Variants in LAMA2 observed in about 807,000 individuals in gnomAD.
LAMA2 encodes the protein laminin subunit alpha-2.
In LAMA2, 269 loss-of-function variants were observed where a neutral mutation model predicts 364.8. The observed-to-expected ratio is 0.74, with a 90% CI of 0.67 to 0.82. The LOEUF (loss-of-function observed/expected upper bound fraction) is 0.82, where lower values mean the gene tolerates loss of function less well. LAMA2 is among the 40% of genes least tolerant of loss of function. The probability of loss-of-function intolerance (pLI) is 0.00; values close to 1 mark genes in which losing one functional copy is unlikely to be tolerated. For missense variants in LAMA2, 3,807 were observed against 3,873.2 expected, an observed-to-expected ratio of 0.98 and a Z score of 0.45; for synonymous variants, 1,379 against 1,370.6, an observed-to-expected ratio of 1.01 and a Z score of -0.14.
chr6:129,382,964 T>A (rs1386647047), intron 34 of LAMA2, among the ~76,000 whole-genome samples, 158 bp from the exon 35 acceptor site: 3 of 152,242 alleles, frequency 2.0e-5, no homozygotes. Context: ...ATTGTATACG[T>A]GAGCATGGGG....
chr6:129,392,257 A>G (rs1402752742), intron 36 of LAMA2, among the ~76,000 whole-genome samples: 2 of 152,226 alleles, frequency 1.3e-5, no homozygotes, highest in Non-Finnish European at 2.9e-5. Flanking sequence ...ACATCTCTAC[A>G]TTCATAGTCA....
chr6:128,894,912 T>C (rs1776669808), intron 1 of LAMA2, among the ~76,000 whole-genome samples: 1 of 152,170 alleles, frequency 6.6e-6, no homozygotes, highest in Non-Finnish European at 1.5e-5. Flanking sequence ...ACTAAAAGGA[T>C]TTTTGAACTT....
intron 9 of LAMA2, among the ~76,000 whole-genome samples, chr6:129,171,192 T>A (rs1328171525): frequency 1.1e-4 from 16 of 152,146 alleles, no homozygotes; most frequent in Non-Finnish European, 2.2e-4. Flanking sequence ...TTAATATTGT[T>A]ATGTGTGAAT....
intron 4 of LAMA2, among the ~76,000 whole-genome samples, chr6:129,132,865 A>G (rs1251463382): frequency 6.6e-6 from 1 of 152,218 alleles, no homozygotes; most frequent in Non-Finnish European, 1.5e-5. Context: ...TACCTTTGTT[A>G]GAGAAAACTG....
At chr6:129,507,393 CTA>C in intron 61 of LAMA2, 94 bp from the exon 62 acceptor site, 2 of 1,305,672 alleles carry the variant, frequency 1.5e-6, no homozygotes, top group Non-Finnish European at 2.2e-6. Context: ...AACTGGATAA[CTA>C]CACACATAGA....
At chr6:129,148,625 A>G (rs1462327189) in intron 6 of LAMA2, among the ~76,000 whole-genome samples, 1 of 152,042 alleles carries the variant, frequency 6.6e-6, no homozygotes, top group Non-Finnish European at 1.5e-5. Context: ...CAAAAATATT[A>G]ACAACATTTT....
intron 1 of LAMA2, among the ~76,000 whole-genome samples, chr6:129,014,528 C>T (rs936336078): frequency 1.3e-5 from 2 of 152,140 alleles, no homozygotes; most frequent in Non-Finnish European, 2.9e-5. Context: ...ACACTGCCTT[C>T]GGATGGCCCT....
intron 3 of LAMA2, among the ~76,000 whole-genome samples, chr6:129,083,534 A>AAAAC (rs533567270): frequency 1.6e-3 from 250 of 152,334 alleles, no homozygotes; most frequent in Non-Finnish European, 2.6e-3. Flanking sequence ...TGCAATAATA[A>AAAAC]AAACAAACAA....
intron 8 of LAMA2, chr6:129,158,445 AC>A (rs1252990508): frequency 6.2e-7 from 1 of 1,613,914 alleles, no homozygotes; most frequent in African/African-American, 1.3e-5. Flanking sequence ...AGTTCGCTGA[AC>A]CAATAAAGGT....
intron 45 of LAMA2, among the ~76,000 whole-genome samples, chr6:129,450,585 T>G (rs1343486369): frequency 6.6e-6 from 1 of 152,172 alleles, no homozygotes. Flanking sequence ...CCTCCCAAAG[T>G]GCTGGGATTA....
rs1781397147 is a variant in LAMA2 at position 129,427,819 on chromosome 6, T to C, written c.5933T>C (p.Leu1978Pro). 1 of 1,613,618 alleles carries C rather than the reference T, an allele frequency of 6.2e-7. No homozygotes were observed. The highest frequency in any genetic ancestry group is 1.3e-5 in the African/African-American group (1 of 74,918). Residue 1978 changes from leucine (L) to proline (P), a missense_variant, in exon 41 of 65, where the codon CTT (leucine) becomes CCT (proline). By Grantham distance (98) the Leu-to-Pro change is moderately conservative (BLOSUM62 -3). This residue lies in a region of LAMA2 where 3,333 missense variants were observed against 3,345.7 expected (regional missense o/e 1.00). Coordinates refer to ENST00000421865, the MANE Select transcript of LAMA2 (RefSeq NM_000426.4). Reference protein sequence around the residue: ...KGCLQKSFRILNEAKKLANDV... With the variant: ...KGCLQKSFRIPNEAKKLANDV... ...TGTCTTCAGAAAAGCTTCAGGATTC[T>C]TAACGAAGCCAAGAAGTTAGCAAAT...
intron 12 of LAMA2, among the ~76,000 whole-genome samples, chr6:129,194,559 A>G (rs1162951917): frequency 6.6e-6 from 1 of 152,146 alleles, no homozygotes; most frequent in Non-Finnish European, 1.5e-5. Flanking sequence ...TCCCCTACCG[A>G]TCATTTTCAC....
At chr6:129,175,852 T>A (rs1053542621) in intron 9 of LAMA2, among the ~76,000 whole-genome samples, 3 of 152,128 alleles carry the variant, frequency 2.0e-5, no homozygotes, top group African/African-American at 7.2e-5. Flanking sequence ...ATAAAAAAAA[T>A]TAACTATCAT....
In LAMA2 at chr6:129,050,052, T is replaced by C; in HGVS notation, c.247T>C (p.Cys83Arg). The change falls in exon 2 of 65, where the codon TGT becomes CGT. Residue 83 changes from cysteine (C) to arginine (R), a missense_variant. By Grantham distance (180) the Cys-to-Arg change is radical (BLOSUM62 -3). Around this residue, in one of 3 missense-constraint regions of LAMA2, gnomAD observed 394 missense variants for 403.5 expected, o/e 0.98. Transcript: ENST00000421865. ...TGGGCAGCCTGTGAGGAACCCGCAG[T>C]GTCGAATCTGCAATCAAAACAGCAG... is the stretch of plus-strand genomic sequence containing the variant. ...VPGQPVRNPQ[C>R]RICNQNSSNP... The C allele has an allele frequency of 2.5e-6, 4 of 1,614,172 alleles. No individual in the cohort carries two copies. The highest frequency in any genetic ancestry group is 3.4e-6 in the Non-Finnish European group (4 of 1,180,026).
chr6:129,279,990 T>A, intron 17 of LAMA2, 71 bp from the exon 18 acceptor site: 6 of 995,382 alleles, frequency 6.0e-6, no homozygotes, highest in Non-Finnish European at 9.7e-6. Flanking sequence ...GAGAGAGAAA[T>A]GAGAAAATGC....
At chr6:128,889,807 G>T (rs1776347217) in intron 1 of LAMA2, among the ~76,000 whole-genome samples, 1 of 152,104 alleles carries the variant, frequency 6.6e-6, no homozygotes, top group South Asian at 2.1e-4. Flanking sequence ...TGTATAATAT[G>T]GGTTTAAAAA....
chr6:129,095,842 G>C (rs1042803149), intron 3 of LAMA2, among the ~76,000 whole-genome samples: 1 of 151,608 alleles, frequency 6.6e-6, no homozygotes, highest in Non-Finnish European at 1.5e-5. Context: ...AGAATTGCTT[G>C]AACCTGGGAG....
intron 2 of LAMA2, 108 bp downstream of exon 2, chr6:129,050,196 A>AG: frequency 4.5e-6 from 5 of 1,122,454 alleles, no homozygotes; most frequent in Non-Finnish European, 6.6e-6. Context: ...AAGAATTCCT[A>AG]GAATTCTTTT....
At chr6:129,281,857 G>A (rs929901093) in intron 18 of LAMA2, among the ~76,000 whole-genome samples, 2 of 152,082 alleles carry the variant, frequency 1.3e-5, no homozygotes, top group Admixed American at 6.6e-5. Context: ...TTAGATTAGG[G>A]TTTTCCAGGA....
Sources: allele counts gnomAD v4.1 joint callset (sites outside exome capture counted in the v4.1 genomes callset), GRCh38; gene constraint gnomAD v4.1.1; regional missense constraint gnomAD v4.1.1; transcripts MANE v1.5; gene names NCBI Gene and HGNC (gene_info 2026-07-23, HGNC 2026-07-21).